Variants in AKR1C1 observed in about 807,000 individuals in gnomAD.
The protein encoded by AKR1C1 is 20 alpha-hydroxysteroid dehydrogenase.
A neutral mutation model predicts 40.6 loss-of-function variants in AKR1C1; 32 were observed. The ratio of observed to expected loss-of-function variants is 0.79; its 90% CI spans 0.60 to 1.06. The LOEUF is 1.06. Ranked by LOEUF, AKR1C1 falls within the 50% of genes least tolerant of loss-of-function variation. AKR1C1 has a pLI of 0.00. For synonymous variants in AKR1C1, 105 were observed against 134.2 expected, an observed-to-expected ratio of 0.78 and a Z score of 1.50; for missense variants, 320 against 363.5, an observed-to-expected ratio of 0.88 and a Z score of 0.97.
chr10:4,971,387 ATTG>A (rs1455030341), intron 5 of AKR1C1, among the ~76,000 whole-genome samples: 1 of 151,642 alleles, frequency 6.6e-6, no homozygotes, highest in African/African-American at 2.4e-5. Context: ...GTAGACAAAG[ATTG>A]TTGTTCTTTT....
rs566158858 is a variant in AKR1C1, at chr10:4,981,929, G to A, written c.*4187G>A. 1.8e-4 allele frequency: 27 copies of A among 152,378 alleles called. No homozygotes were observed. Among genetic ancestry groups the A allele is most frequent in the African/African-American group, 5.5e-4 (23 of 41,578 alleles). 9.4% of individuals were successfully genotyped at this position (152,378 alleles called of 1,614,324 possible). A position where few individuals can be genotyped will look rare whatever the true frequency, so the allele number is the denominator to read the frequency against. ...GAGGCTGGTCAGAGTTCTGTGCGCA[G>A]ACTGCCTGGATGTAAACCTGGCACT... On this transcript the variant is annotated 3_prime_UTR_variant, in exon 9 of 9. Coordinates refer to ENST00000380872, the MANE Select transcript of AKR1C1 (RefSeq NM_001353.6).
Position 4,977,907 on chromosome 10 carries a change from A to G in AKR1C1, c.*165A>G. The G allele has an allele frequency of 9.0e-7, 1 of 1,108,316 alleles. No homozygotes were observed. The highest frequency in any genetic ancestry group is 3.2e-5 in the Admixed American group (1 of 31,020). 68.7% of individuals were successfully genotyped at this position (1,108,316 alleles called of 1,614,324 possible). On this transcript the variant is annotated 3_prime_UTR_variant, in exon 9 of 9. Transcript: ENST00000380872. ...GCCCATTGGCCAGAAAGGAAAGACA[A>G]TAATTTTGTTTTTTCATTTTGAAAA...
rs759174471 is a variant in AKR1C1 at position 4,968,896 on chromosome 10, G to T, written c.522G>T (p.Glu174Asp). The change falls in exon 5 of 9, where the codon GAG becomes GAT. Residue 174 changes from glutamate (E) to aspartate (D), a missense_variant. Glu to Asp is a conservative substitution (Grantham distance 45). Transcript: ENST00000380872. Reference protein sequence around the residue: ...GVSNFNRRQLEMILNKPGLKY... With the variant: ...GVSNFNRRQLDMILNKPGLKY... ...CCAACTTCAACCGCAGGCAGCTGGA[G>T]ATGATCCTCAACAAGCCAGGGCTCA... is the stretch of plus-strand genomic sequence containing the variant. The T allele has an allele frequency of 3.1e-6, 5 of 1,614,212 alleles. No individual in the cohort carries two copies. Among genetic ancestry groups the T allele is most frequent in the Non-Finnish European group, 2.5e-6 (3 of 1,180,042 alleles).
Position 4,981,789 on chromosome 10 carries a change from T to G in AKR1C1, c.*4047T>G, listed in dbSNP as rs1475660866. ...TTGAGCAGAATCCACAGGGGAGAGC[T>G]GGAAGTGCATGGCAGATATGAGCAC... On this transcript the variant is annotated 3_prime_UTR_variant, in exon 9 of 9. Transcript: ENST00000380872. 1 of 152,120 alleles carries G rather than the reference T, an allele frequency of 6.6e-6. No individual in the cohort carries two copies. Among genetic ancestry groups the G allele is most frequent in the African/African-American group, 2.4e-5 (1 of 41,408 alleles). 9.4% of individuals were successfully genotyped at this position (152,120 alleles called of 1,614,324 possible).
intron 5 of AKR1C1, among the ~76,000 whole-genome samples, chr10:4,969,275 G>C (rs1190690100): frequency 6.6e-6 from 1 of 152,206 alleles, no homozygotes; most frequent in African/African-American, 2.4e-5. Flanking sequence ...GGGTGAAGGT[G>C]ATTTGGAGGG....
chr10:4,973,562 G>A (rs1169571611), intron 7 of AKR1C1, among the ~76,000 whole-genome samples: 9 of 152,148 alleles, frequency 5.9e-5, no homozygotes, highest in South Asian at 2.1e-4. Flanking sequence ...GCTCAGAGCT[G>A]CCAACCATTG....
Position 4,979,047 on chromosome 10 carries a change from C to T in AKR1C1, c.*1305C>T, listed in dbSNP as rs1836572669. 1 of 152,150 alleles carries T rather than the reference C, an allele frequency of 6.6e-6. No individual in the cohort carries two copies. The highest frequency in any genetic ancestry group is 1.5e-5 in the Non-Finnish European group (1 of 68,036). 9.4% of individuals were successfully genotyped at this position (152,150 alleles called of 1,614,324 possible). On this transcript the variant is annotated 3_prime_UTR_variant, in exon 9 of 9. Coordinates refer to ENST00000380872, the MANE Select transcript of AKR1C1 (RefSeq NM_001353.6). The stretch of plus-strand genomic sequence containing the variant: ...CATATGTTCTAACACATTTACTCTC[C>T]ACTATTCGTACTCTGGTAGCCATGT...
chr10:4,977,659 T>A (rs781888630), intron 8 of AKR1C1, 41 bp from the exon 9 acceptor site: 1 of 1,611,310 alleles, frequency 6.2e-7, no homozygotes, highest in Non-Finnish European at 8.5e-7. Context: ...AGTAACGGAG[T>A]CATTGCCATT....
Position 4,968,306 on chromosome 10 carries a change from C to T in AKR1C1, c.370-3C>T. ...ATCACTAAACTGACTGCTTCTACTT[C>T]AGCCAGGTGAGGAAGTGATCCCAAA... On this transcript the variant is annotated splice_polypyrimidine_tract_variant and splice_region_variant and intron_variant, in intron 3 of 8. Coordinates refer to ENST00000380872, the MANE Select transcript of AKR1C1 (RefSeq NM_001353.6). 1 of 1,533,114 alleles carries T rather than the reference C, an allele frequency of 6.5e-7. No homozygotes were observed. Among genetic ancestry groups the T allele is most frequent in the Admixed American group, 1.9e-5 (1 of 52,288 alleles). 95.0% of individuals were successfully genotyped at this position (1,533,114 alleles called of 1,614,324 possible). A position where few individuals can be genotyped will look rare whatever the true frequency, so the allele number is the denominator to read the frequency against.
At chr10:4,968,187 C>G in intron 3 of AKR1C1, 122 bp from the exon 4 acceptor site, 2 of 1,283,890 alleles carry the variant, frequency 1.6e-6, no homozygotes, top group Non-Finnish European at 1.1e-6. Flanking sequence ...GTACATACCA[C>G]TCTCTGGAGC....
chr10:4,975,659 G>A (rs1222625256), intron 7 of AKR1C1, among the ~76,000 whole-genome samples, 192 bp from the exon 8 acceptor site: 4 of 147,406 alleles, frequency 2.7e-5, no homozygotes, highest in African/African-American at 1.0e-4. Flanking sequence ...TTTTATCTGG[G>A]AATGGATTTC....
rs1564319682 is a variant in AKR1C1 at position 4,978,296 on chromosome 10, G to C, written c.*554G>C. On this transcript the variant is annotated 3_prime_UTR_variant, in exon 9 of 9. Coordinates refer to ENST00000380872, the MANE Select transcript of AKR1C1 (RefSeq NM_001353.6). ...GCCTTGGGAGGAGGCATCCCTGTGAGGGGGGGTTAGGGAGATGGGAGGGCA... is the reference window on the plus strand; with the variant it reads ...GCCTTGGGAGGAGGCATCCCTGTGACGGGGGGTTAGGGAGATGGGAGGGCA... The C allele has an allele frequency of 1.3e-5, 2 of 149,792 alleles. No homozygotes were observed. Among genetic ancestry groups the C allele is most frequent in the South Asian group, 2.2e-4 (1 of 4,650 alleles). 9.3% of individuals were successfully genotyped at this position (149,792 alleles called of 1,614,324 possible). A position where few individuals can be genotyped will look rare whatever the true frequency, so the allele number is the denominator to read the frequency against.
At chr10:4,977,223 C>G (rs1292936224) in intron 8 of AKR1C1, among the ~76,000 whole-genome samples, 4 of 152,192 alleles carry the variant, frequency 2.6e-5, no homozygotes, top group Non-Finnish European at 5.9e-5. Context: ...ATTTCTGAAT[C>G]TAACCAACTA....
At chr10:4,971,396 CTTT>C (rs1439800222) in intron 5 of AKR1C1, among the ~76,000 whole-genome samples, 1 of 151,306 alleles carries the variant, frequency 6.6e-6, no homozygotes, top group African/African-American at 2.4e-5. Context: ...GATTGTTGTT[CTTT>C]TTCTCATTGT....
Position 4,977,732 on chromosome 10 carries a change from A to G in AKR1C1, c.962A>G (p.Asp321Gly), listed in dbSNP as rs1185288451. Residue 321 changes from aspartate (D) to glycine (G), a missense_variant, in exon 9 of 9, where the codon GAT (aspartate) becomes GGT (glycine). By Grantham distance (94) the Asp-to-Gly change is moderately conservative (BLOSUM62 -1). This residue lies in a region of AKR1C1 where 29 missense variants were observed against 23.4 expected (regional missense o/e 1.24). Coordinates refer to ENST00000380872, the MANE Select transcript of AKR1C1 (RefSeq NM_001353.6). ...FAGPPNYPFS[D>G]EY Reference sequence around the variant, plus strand: ...GGCCCCCCTAATTATCCATTTTCTGATGAATATTAACATGGAGGGCATTGC... The same window carrying G: ...GGCCCCCCTAATTATCCATTTTCTGGTGAATATTAACATGGAGGGCATTGC... 1.2e-6 allele frequency: 2 copies of G among 1,609,770 alleles called. No individual in the cohort carries two copies. Among genetic ancestry groups the G allele is most frequent in the Admixed American group, 1.7e-5 (1 of 58,794 alleles).
At position 4,983,035 on chromosome 10, in the gene AKR1C1, G is replaced by A. The variant is rs148590071; in HGVS notation, c.*5293G>A. Reference sequence around the variant, plus strand: ...GCCACCTCAATCAGAGCTGGTGCTGGTATCCACTGCTGGGAGACTTGTGCT... The same window carrying A: ...GCCACCTCAATCAGAGCTGGTGCTGATATCCACTGCTGGGAGACTTGTGCT... On this transcript the variant is annotated 3_prime_UTR_variant, in exon 9 of 9. Coordinates refer to ENST00000380872, the MANE Select transcript of AKR1C1 (RefSeq NM_001353.6). 37 of 411,600 alleles carry A rather than the reference G, an allele frequency of 9.0e-5. No individual in the cohort carries two copies. Among genetic ancestry groups the A allele is most frequent in the African/African-American group, 7.4e-4 (36 of 48,886 alleles). The allele number at this position is 411,600 out of a possible 1,614,324, so 25.5% of individuals were successfully genotyped here.
intron 2 of AKR1C1, among the ~76,000 whole-genome samples, chr10:4,966,307 G>A (rs1836332971): frequency 6.6e-6 from 1 of 152,178 alleles, no homozygotes; most frequent in African/African-American, 2.4e-5. Flanking sequence ...TACTTTTTGA[G>A]CTCAGCACAG....
intron 7 of AKR1C1, among the ~76,000 whole-genome samples, chr10:4,973,823 T>C (rs1450885578): frequency 6.6e-6 from 1 of 151,952 alleles, no homozygotes; most frequent in Admixed American, 6.6e-5. Flanking sequence ...ATTTCATATA[T>C]TCTTAAGAAT....
chr10:4,963,524 C>A lies in AKR1C1; in HGVS notation c.80C>A (p.Ala27Glu). ...PVLGFGTYAP[A>E]EVPKSKALEA... Reference sequence around the variant, plus strand: ...CTGGGATTTGGCACCTATGCGCCTGCAGAGGTAACAATAATATTTTTAGTG... The same window carrying A: ...CTGGGATTTGGCACCTATGCGCCTGAAGAGGTAACAATAATATTTTTAGTG... Residue 27 changes from alanine to glutamate, a missense_variant, in exon 1 of 9, where the codon GCA becomes GAA. Ala to Glu is a moderately radical substitution (Grantham distance 107). Around this residue, in one of 3 missense-constraint regions of AKR1C1, gnomAD observed 214 missense variants for 214.8 expected, o/e 1.00. Coordinates refer to ENST00000380872, the MANE Select transcript of AKR1C1 (RefSeq NM_001353.6). 6.2e-7 allele frequency: 1 copy of A among 1,611,232 alleles called. No individual in the cohort carries two copies. Among genetic ancestry groups the A allele is most frequent in the Non-Finnish European group, 8.5e-7 (1 of 1,178,166 alleles).
Sources: allele counts gnomAD v4.1 joint callset (sites outside exome capture counted in the v4.1 genomes callset), GRCh38; gene constraint gnomAD v4.1.1; regional missense constraint gnomAD v4.1.1; transcripts MANE v1.5; gene names NCBI Gene and HGNC (gene_info 2026-07-23, HGNC 2026-07-21).